The following SLC9A4 variants were observed in gnomAD, a reference collection of about 807,000 sequenced individuals.
SLC9A4 encodes the protein sodium/hydrogen exchanger 4.
SLC9A4 carries 63 observed loss-of-function variants against 67.4 expected under a neutral mutation model. The ratio of observed to expected loss-of-function variants is 0.93; its 90% CI spans 0.76 to 1.15. SLC9A4 has a LOEUF of 1.15. Among genes scored for constraint, SLC9A4 ranks in the 50% most tolerant of loss-of-function variants. SLC9A4 has a pLI of 0.00. For synonymous variants in SLC9A4, 393 were observed against 367.2 expected (o/e 1.07, Z -0.80); for missense variants, 1,089 against 987.7 (o/e 1.10, Z -1.38).
At chr2:102,512,588 G>A (rs931364231) in intron 7 of SLC9A4, among the ~76,000 whole-genome samples, 7 of 152,272 alleles carry the variant, frequency 4.6e-5, no homozygotes, top group East Asian at 1.9e-4. Flanking sequence ...GCTCTACCAC[G>A]GAATGGCCAG....
intron 10 of SLC9A4, 41 bp downstream of exon 10, chr2:102,525,196 A>C (rs1268249274): frequency 3.1e-6 from 5 of 1,611,844 alleles, no homozygotes; most frequent in Non-Finnish European, 4.2e-6. Context: ...TTCAGTGTGC[A>C]AGTGTTTGTC....
Position 102,485,949 on chromosome 2 carries a change from C to T in SLC9A4, c.720+6647C>T, listed in dbSNP as rs1172865576. On this transcript the variant is annotated intron_variant, in intron 2 of 11. Coordinates refer to ENST00000295269, the MANE Select transcript of SLC9A4 (RefSeq NM_001011552.4). The stretch of plus-strand genomic sequence containing the variant: ...TCCCAGGGTCCTATCTCTCTTTCCC[C>T]ACACCTTGTCATGCACGTGTCCTGC... 2.6e-5 allele frequency among the ~76,000 whole-genome samples: 4 copies of T among 152,190 alleles called. No homozygotes were observed. The South Asian group carries it at 6.2e-4, about 24-fold the overall frequency.
At chr2:102,530,181 TC>T (rs1674750214) in intron 11 of SLC9A4, among the ~76,000 whole-genome samples, 1 of 152,198 alleles carries the variant, frequency 6.6e-6, no homozygotes, top group Non-Finnish European at 1.5e-5. Flanking sequence ...GAACAGTGTA[TC>T]CTGCATCAGG....
chr2:102,495,221 G>A (rs1573336188), intron 2 of SLC9A4, among the ~76,000 whole-genome samples: 1 of 151,938 alleles, frequency 6.6e-6, no homozygotes, highest in African/African-American at 2.4e-5. Context: ...ACTTCTAGAT[G>A]TTTCATGGTT....
At chr2:102,484,182 A>G (rs983451916) in intron 2 of SLC9A4, among the ~76,000 whole-genome samples, 4 of 152,140 alleles carry the variant, frequency 2.6e-5, no homozygotes, top group African/African-American at 9.7e-5. Context: ...GGAGGTTAAA[A>G]TAAACTGCAC....
chr2:102,478,747 T>A, intron 1 of SLC9A4, 92 bp from the exon 2 acceptor site: 1 of 1,271,508 alleles, frequency 7.9e-7, no homozygotes, highest in South Asian at 1.4e-5. Flanking sequence ...AGTCAGCTTG[T>A]CCACGGTCCT....
At chr2:102,483,831 T>TACAC (rs1431806633) in intron 2 of SLC9A4, among the ~76,000 whole-genome samples, 2 of 64,076 alleles carry the variant, frequency 3.1e-5, no homozygotes, top group African/African-American at 1.3e-4. Context: ...TATATATATA[T>TACAC]ATATATATAT....
In SLC9A4 at chr2:102,532,602, G is replaced by C. The variant is rs777094526; in HGVS notation, c.2311G>C (p.Val771Leu). The C allele has an allele frequency of 3.7e-6, 6 of 1,613,938 alleles. No homozygotes were observed. The East Asian group carries it at 1.3e-4, about 36-fold the overall frequency. ...GGESEGKASL[V>L]EVRSRWTADH... ...GGAGAGTGAGGGCAAGGCCTCTTTG[G>C]TTGAGGTTCGGTCGAGGTGGACAGC... Residue 771 changes from valine to leucine, a missense_variant, in exon 12 of 12, where the codon GTT becomes CTT. Transcript: ENST00000295269.
chr2:102,485,887 G>A (rs1684578439), intron 2 of SLC9A4, among the ~76,000 whole-genome samples: 1 of 152,166 alleles, frequency 6.6e-6, no homozygotes, highest in Admixed American at 6.5e-5. Context: ...GCTAAGGGTG[G>A]GATAAAATCA....
chr2:102,508,254 A>G lies in SLC9A4; in HGVS notation c.1374A>G (p.Val458=). 6.2e-7 allele frequency: 1 copy of G among 1,613,924 alleles called. No individual in the cohort carries two copies. Among genetic ancestry groups the G allele is most frequent in the Non-Finnish European group, 8.5e-7 (1 of 1,179,890 alleles). ...AAATGTTTGTCACTGCTACTCTAGTAGTTATATACTTTACTGTATTTATTC... is the reference window on the plus strand; with the variant it reads ...AAATGTTTGTCACTGCTACTCTAGTGGTTATATACTTTACTGTATTTATTC... ...RKKMFVTATL[V]VIYFTVFIQG... Residue 458 remains valine (V), a synonymous_variant, in exon 5 of 12, where the codon GTA becomes GTG. Transcript: ENST00000295269.
At chr2:102,480,769 A>G (rs1339254765) in intron 2 of SLC9A4, among the ~76,000 whole-genome samples, 2 of 152,194 alleles carry the variant, frequency 1.3e-5, no homozygotes, top group Non-Finnish European at 2.9e-5. Flanking sequence ...TCTCACTCTA[A>G]GGTTATAGAT....
intron 6 of SLC9A4, among the ~76,000 whole-genome samples, chr2:102,510,076 T>C (rs1024713510): frequency 4.6e-5 from 7 of 152,070 alleles, no homozygotes; most frequent in Admixed American, 2.0e-4. Flanking sequence ...TTCTTGCTTA[T>C]AGAATTGTGA....
chr2:102,497,331 G>T (rs1312492648), intron 2 of SLC9A4, among the ~76,000 whole-genome samples: 1 of 152,014 alleles, frequency 6.6e-6, no homozygotes, highest in African/African-American at 2.4e-5. Flanking sequence ...ATACGCAAGA[G>T]AAATGACAAC....
At chr2:102,530,616 C>T (rs1225522179) in intron 11 of SLC9A4, among the ~76,000 whole-genome samples, 1 of 152,190 alleles carries the variant, frequency 6.6e-6, no homozygotes, top group East Asian at 1.9e-4. Context: ...TGATGGAGCA[C>T]TCAACAGGAA....
At chr2:102,511,969 T>C (rs1573348719) in intron 6 of SLC9A4, among the ~76,000 whole-genome samples, 1 of 152,134 alleles carries the variant, frequency 6.6e-6, no homozygotes, top group African/African-American at 2.4e-5. Flanking sequence ...TTTCATTACG[T>C]ATTATGTGAA....
chr2:102,507,233 T>C (rs905852044), intron 4 of SLC9A4, among the ~76,000 whole-genome samples: 2 of 152,240 alleles, frequency 1.3e-5, no homozygotes, highest in African/African-American at 4.8e-5. Context: ...ACTTATCTTT[T>C]GCACTATCCA....
In SLC9A4 at chr2:102,503,430, A is replaced by G; in HGVS notation, c.721-18A>G. On this transcript the variant is annotated intron_variant, in intron 2 of 11. Transcript: ENST00000295269. ...TTCTATTCATAATTCATATTTGTTT[A>G]CTCTCTTTTTTGCCTAGGTCTTATA... 1.3e-6 allele frequency: 2 copies of G among 1,556,628 alleles called. No homozygotes were observed. The highest frequency in any genetic ancestry group is 1.7e-6 in the Non-Finnish European group (2 of 1,145,902).
intron 2 of SLC9A4, among the ~76,000 whole-genome samples, chr2:102,482,019 A>T (rs1006212657): frequency 5.3e-5 from 8 of 152,210 alleles, no homozygotes; most frequent in African/African-American, 1.9e-4. Context: ...GCCGGACGTC[A>T]AATCATTTAT....
chr2:102,532,324 T>C lies in SLC9A4; in HGVS notation c.2039-6T>C, dbSNP rs748202661. ...CTTTCCCCTTCTTGCCATGATGTTTTCCTAGATGATGACAGCAGTGATCCA... is the reference window on the plus strand; with the variant it reads ...CTTTCCCCTTCTTGCCATGATGTTTCCCTAGATGATGACAGCAGTGATCCA... On this transcript the variant is annotated splice_region_variant and splice_polypyrimidine_tract_variant and intron_variant, in intron 11 of 11. Coordinates refer to ENST00000295269, the MANE Select transcript of SLC9A4 (RefSeq NM_001011552.4). 1 of 1,607,394 alleles carries C rather than the reference T, an allele frequency of 6.2e-7. No individual in the cohort carries two copies. The highest frequency in any genetic ancestry group is 1.7e-4 in the Middle Eastern group (1 of 6,004).
Sources: gnomAD v4.1 joint callset for allele counts (sites outside exome capture counted in the v4.1 genomes callset) on GRCh38, gnomAD v4.1.1 for gene constraint, MANE v1.5 for transcripts, NCBI Gene and HGNC (gene_info 2026-07-23, HGNC 2026-07-21) for gene names.